The following SGSM1 variants were observed in gnomAD, a reference collection of about 807,000 sequenced individuals.
SGSM1 encodes the protein RUN and TBC1 domain containing 2.
A neutral mutation model predicts 133.8 loss-of-function variants in SGSM1; 73 were observed. That is an observed-to-expected ratio of 0.55 (90% CI 0.45 to 0.66). SGSM1 has a LOEUF of 0.66. SGSM1 is among the 30% of genes least tolerant of loss of function. The pLI is 0.00. For synonymous variants in SGSM1, 563 were observed against 573.0 expected, an observed-to-expected ratio of 0.98 and a Z score of 0.25; for missense variants, 1,213 against 1,448.1, an observed-to-expected ratio of 0.84 and a Z score of 2.64.
In SGSM1 at chr22:24,855,745, GTC is replaced by G. The variant is rs749154660; in HGVS notation, c.801+71_801+72del. ...CTCACTCCAGGTTATAGAGGAAAAG[GTC>G]TCTCTGGCTCCAGATTGCCAATCCA... On this transcript the variant is annotated intron_variant, in intron 8 of 24. Coordinates refer to ENST00000400358, the MANE Select transcript of SGSM1 (RefSeq NM_001098497.3). 2.4e-5 allele frequency: 39 copies of G among 1,612,754 alleles called. No individual in the cohort carries two copies. The Middle Eastern group carries it at 1.2e-3, about 48-fold the overall frequency.
intron 23 of SGSM1, among the ~76,000 whole-genome samples, chr22:24,919,071 T>C (rs8141091): frequency 0.27 from 32,714 of 121,042 alleles, 5,342 homozygotes; most frequent in East Asian, 0.68. Context: ...TTTTTCGAGA[T>C]GAAGTCTGGC....
intron 14 of SGSM1, among the ~76,000 whole-genome samples, chr22:24,880,575 C>A (rs2123662034): frequency 6.6e-6 from 1 of 152,288 alleles, no homozygotes; most frequent in East Asian, 1.9e-4. Flanking sequence ...GAGCTCACAC[C>A]CTGAGTGCCT....
intron 24 of SGSM1, among the ~76,000 whole-genome samples, chr22:24,922,415 C>T (rs943735828): frequency 6.0e-5 from 9 of 149,790 alleles, no homozygotes; most frequent in Non-Finnish European, 1.0e-4. Flanking sequence ...CTCTTGACCT[C>T]GTGATCCGCC....
chr22:24,844,731 G>T (rs1034073562), intron 2 of SGSM1, 166 bp from the exon 3 acceptor site: 2 of 592,616 alleles, frequency 3.4e-6, no homozygotes, highest in South Asian at 4.2e-5. Flanking sequence ...ACAGGCCTCA[G>T]ACCTCCAAAA....
At chr22:24,848,886 G>A (rs371145561) in intron 4 of SGSM1, among the ~76,000 whole-genome samples, 4 of 152,228 alleles carry the variant, frequency 2.6e-5, no homozygotes, top group Non-Finnish European at 5.9e-5. Context: ...GGCCAGAACG[G>A]TATGGTGGTC....
intron 12 of SGSM1, among the ~76,000 whole-genome samples, chr22:24,873,046 C>G (rs1326367377): frequency 6.6e-6 from 1 of 151,836 alleles, no homozygotes; most frequent in Non-Finnish European, 1.5e-5. Context: ...GCAGCCTCAA[C>G]CTCCTGGGCT....
chr22:24,868,299 T>C, intron 10 of SGSM1, 77 bp from the exon 11 acceptor site: 1 of 1,537,662 alleles, frequency 6.5e-7, no homozygotes, highest in South Asian at 1.3e-5. Flanking sequence ...CCCTGGGGGA[T>C]GTGCTTGCAG....
At chr22:24,874,760 A>G (rs1179959933) in intron 12 of SGSM1, among the ~76,000 whole-genome samples, 1 of 152,228 alleles carries the variant, frequency 6.6e-6, no homozygotes, top group Non-Finnish European at 1.5e-5. Flanking sequence ...TTGTAGGTTC[A>G]GTAGCGAAGG....
chr22:24,813,213 CAA>C (rs1420545322), intron 2 of SGSM1, among the ~76,000 whole-genome samples: 12 of 152,300 alleles, frequency 7.9e-5, no homozygotes, highest in African/African-American at 2.2e-4. Context: ...GTGAAGTAAA[CAA>C]GAGTAGAGAT....
At chr22:24,909,798 A>G (rs1481444314) in intron 21 of SGSM1, among the ~76,000 whole-genome samples, 1 of 152,180 alleles carries the variant, frequency 6.6e-6, no homozygotes, top group East Asian at 1.9e-4. Flanking sequence ...TTCTCATAGT[A>G]ATAAACATAG....
At chr22:24,905,254 A>G (rs1021880059) in intron 21 of SGSM1, 67 bp downstream of exon 21, 3 of 1,462,478 alleles carry the variant, frequency 2.1e-6, no homozygotes, top group East Asian at 2.3e-5. Flanking sequence ...CAGAAGGCTT[A>G]ATCTCACTTT....
At chr22:24,889,620 A>G (rs963154684) in intron 16 of SGSM1, among the ~76,000 whole-genome samples, 1 of 151,180 alleles carries the variant, frequency 6.6e-6, no homozygotes, top group East Asian at 1.9e-4. Flanking sequence ...ATGTTGGATT[A>G]TAGGCGTGAG....
At chr22:24,825,187 C>T (rs909626550) in intron 2 of SGSM1, among the ~76,000 whole-genome samples, 5 of 152,124 alleles carry the variant, frequency 3.3e-5, no homozygotes, top group Admixed American at 3.3e-4. Flanking sequence ...ACCATGTGAG[C>T]AATGGTATGG....
chr22:24,918,452 C>T (rs146597613), intron 23 of SGSM1, among the ~76,000 whole-genome samples: 3,661 of 150,022 alleles, frequency 0.024, 56 homozygotes, highest in South Asian at 0.054. Flanking sequence ...GCCGAGATAA[C>T]ACCATTGCAC....
intron 12 of SGSM1, among the ~76,000 whole-genome samples, chr22:24,876,318 C>A (rs767646242): frequency 2.6e-5 from 4 of 152,182 alleles, no homozygotes; most frequent in Non-Finnish European, 4.4e-5. Context: ...GGCCTGGTTT[C>A]TTGGCTCTTG....
intron 16 of SGSM1, among the ~76,000 whole-genome samples, chr22:24,892,264 G>A (rs1425106067): frequency 2.6e-5 from 4 of 152,032 alleles, no homozygotes; most frequent in Non-Finnish European, 5.9e-5. Context: ...TCCCCCTCCC[G>A]AAGTCCTGAG....
At chr22:24,825,919 A>T (rs1301185870) in intron 2 of SGSM1, among the ~76,000 whole-genome samples, 2 of 151,998 alleles carry the variant, frequency 1.3e-5, no homozygotes, top group Admixed American at 6.6e-5. Flanking sequence ...CCAGGTGGGG[A>T]GTAGAGGTGG....
intron 2 of SGSM1, among the ~76,000 whole-genome samples, chr22:24,818,266 A>C (rs1928237697): frequency 6.6e-6 from 1 of 151,246 alleles, no homozygotes; most frequent in African/African-American, 2.5e-5. Flanking sequence ...TAAAACAAAC[A>C]AAAAACAGTA....
intron 20 of SGSM1, 91 bp from the exon 21 acceptor site, chr22:24,905,014 G>T: frequency 9.8e-7 from 1 of 1,022,196 alleles, no homozygotes; most frequent in Non-Finnish European, 1.6e-6. Flanking sequence ...CCAGGTGAGG[G>T]ATTGGGGACC....
Sources: allele counts gnomAD v4.1 joint callset (sites outside exome capture counted in the v4.1 genomes callset), GRCh38; gene constraint gnomAD v4.1.1; transcripts MANE v1.5; gene names NCBI Gene and HGNC (gene_info 2026-07-23, HGNC 2026-07-21).